MAP3K4: variants seen among roughly 807,000 people sequenced by gnomAD.
The protein encoded by MAP3K4 is mitogen-activated protein kinase kinase kinase 4.
Under a neutral mutation model 185.6 loss-of-function variants are expected in MAP3K4, and 67 were observed. The observed-to-expected ratio is 0.36, with a 90% CI of 0.30 to 0.44. The LOEUF is 0.44. Among genes scored for constraint, MAP3K4 ranks in the 20% least tolerant of loss-of-function variants. The pLI is 1.00. For missense variants in MAP3K4, 1,551 were observed against 1,995.1 expected (o/e 0.78, Z 4.24); for synonymous variants, 702 against 710.4 (o/e 0.99, Z 0.19).
At position 160,991,777 on chromosome 6, in the gene MAP3K4, G is replaced by C. The variant is rs541001091; in HGVS notation, c.-155G>C. On this transcript the variant is annotated 5_prime_UTR_variant, in exon 1 of 27. Coordinates refer to ENST00000392142, the MANE Select transcript of MAP3K4 (RefSeq NM_005922.4). This position sits in a 1 kb window ranked among gnomAD's most constrained non-coding sequence, Gnocchi z 5.7. ...CCCACCGTAGCCCCGGCGCTCGGCC[G>C]GTCGCCGTTTCCAAGATGGCCGCGG... 2.4e-6 allele frequency: 2 copies of C among 819,918 alleles called. No individual in the cohort carries two copies. The highest frequency in any genetic ancestry group is 4.3e-5 in the Admixed American group (1 of 23,256). 50.8% of individuals were successfully genotyped at this position (819,918 alleles called of 1,614,324 possible).
chr6:161,104,709 CA>C (rs10688556), intron 19 of MAP3K4, among the ~76,000 whole-genome samples: 241 of 121,572 alleles, frequency 2.0e-3, no homozygotes, highest in African/African-American at 5.8e-3. Flanking sequence ...GACTCCATCT[CA>C]AAAAAAAAAA....
At chr6:161,015,893 C>T (rs972325629) in intron 1 of MAP3K4, among the ~76,000 whole-genome samples, 5 of 152,126 alleles carry the variant, frequency 3.3e-5, no homozygotes, top group African/African-American at 9.7e-5. Flanking sequence ...GAGGTTTGGG[C>T]GCCAGATACC....
At position 161,071,228 on chromosome 6, in the gene MAP3K4, T is replaced by C. The variant is rs549894149; in HGVS notation, c.1950+378T>C. On this transcript the variant is annotated intron_variant, in intron 4 of 26. Coordinates refer to ENST00000392142, the MANE Select transcript of MAP3K4 (RefSeq NM_005922.4). This position sits in a 1 kb window ranked among gnomAD's most constrained non-coding sequence, Gnocchi z 4.6. Reference sequence around the variant, plus strand: ...GTCTAGAATAGGCATGGGGAGGGGTTTGGACTTTCTGCTTGCTTAAGCAGT... The same window carrying C: ...GTCTAGAATAGGCATGGGGAGGGGTCTGGACTTTCTGCTTGCTTAAGCAGT... 6.6e-6 allele frequency among the ~76,000 whole-genome samples: 1 copy of C among 152,218 alleles called. No individual in the cohort carries two copies. Among genetic ancestry groups the C allele is most frequent in the African/African-American group, 2.4e-5 (1 of 41,524 alleles).
rs1345369133 is a variant in MAP3K4, at chr6:161,043,365, A to G, written c.344-5251A>G. Reference sequence around the variant, plus strand: ...TTCCATTCTTCGAGGCCCCAAATCAAGTACTTGCTTTTACTTTAAGCCTTT... The same window carrying G: ...TTCCATTCTTCGAGGCCCCAAATCAGGTACTTGCTTTTACTTTAAGCCTTT... On this transcript the variant is annotated intron_variant, in intron 2 of 26. Transcript: ENST00000392142. This position sits in a 1 kb window ranked among gnomAD's most constrained non-coding sequence, Gnocchi z 4.3. 6.6e-6 allele frequency among the ~76,000 whole-genome samples: 1 copy of G among 152,170 alleles called. No individual in the cohort carries two copies.
Position 161,107,054 on chromosome 6 carries a change from A to G in MAP3K4, c.4048+349A>G, listed in dbSNP as rs1411373639. Among the ~76,000 whole-genome samples, 3 of 126,656 alleles carry G rather than the reference A, an allele frequency of 2.4e-5. No homozygotes were observed. Among genetic ancestry groups the G allele is most frequent in the Non-Finnish European group, 3.5e-5 (2 of 56,820 alleles). The allele number at this position is 126,656 out of a possible 152,430, so 83.1% of individuals were successfully genotyped here. ...TCTCTCTCTACACACGCGCGCGCAC[A>G]CACACACACACACACACACACACAC... is the stretch of plus-strand genomic sequence containing the variant. On this transcript the variant is annotated intron_variant, in intron 20 of 26. Coordinates refer to ENST00000392142, the MANE Select transcript of MAP3K4 (RefSeq NM_005922.4). The surrounding 1 kb of genome is among the most constrained non-coding windows in gnomAD (Gnocchi z 6.2).
chr6:161,109,611 A>T lies in MAP3K4; in HGVS notation c.4237-144A>T, dbSNP rs1223613974. 1 of 778,114 alleles carries T rather than the reference A, an allele frequency of 1.3e-6. No individual in the cohort carries two copies. Among genetic ancestry groups the T allele is most frequent in the Non-Finnish European group, 2.1e-6 (1 of 478,322 alleles). 48.2% of individuals were successfully genotyped at this position (778,114 alleles called of 1,614,324 possible). ...CTTAGAAACGACTGTTGTGAGACACATTCAGTGCTCAGGATGGCAAGTGTA... is the reference window on the plus strand; with the variant it reads ...CTTAGAAACGACTGTTGTGAGACACTTTCAGTGCTCAGGATGGCAAGTGTA... On this transcript the variant is annotated intron_variant, in intron 22 of 26. Coordinates refer to ENST00000392142, the MANE Select transcript of MAP3K4 (RefSeq NM_005922.4). The surrounding 1 kb of genome is among the most constrained non-coding windows in gnomAD (Gnocchi z 5.7).
At chr6:161,026,479 C>A (rs1265042334) in intron 1 of MAP3K4, among the ~76,000 whole-genome samples, 5 of 152,090 alleles carry the variant, frequency 3.3e-5, no homozygotes, top group Non-Finnish European at 7.4e-5. Flanking sequence ...TCTCACTATC[C>A]TATACACATA....
At chr6:161,090,459 G>T (rs1785974121) in intron 11 of MAP3K4, among the ~76,000 whole-genome samples, 1 of 145,002 alleles carries the variant, frequency 6.9e-6, no homozygotes, top group Non-Finnish European at 1.5e-5. Context: ...TAGAGCTAGG[G>T]CAGGGCTTCT....
At chr6:161,011,790 C>T (rs1781852821) in intron 1 of MAP3K4, among the ~76,000 whole-genome samples, 1 of 152,184 alleles carries the variant, frequency 6.6e-6, no homozygotes, top group Non-Finnish European at 1.5e-5. Flanking sequence ...TAAAGCTTAA[C>T]TGTACTGACT....
At chr6:161,016,822 G>A (rs1276439826) in intron 1 of MAP3K4, among the ~76,000 whole-genome samples, 1 of 152,110 alleles carries the variant, frequency 6.6e-6, no homozygotes, top group East Asian at 1.9e-4. Context: ...ATCTTTAAAC[G>A]CCTTGTATTC....
rs1290246540 is a variant in MAP3K4 at position 161,086,787 on chromosome 6, A to C, written c.2556+120A>C. The C allele has an allele frequency of 2.7e-5, 19 of 703,306 alleles. No individual in the cohort carries two copies. The Admixed American group carries it at 5.6e-4, about 21-fold the overall frequency. The allele number at this position is 703,306 out of a possible 1,614,324, so 43.6% of individuals were successfully genotyped here. On this transcript the variant is annotated intron_variant, in intron 9 of 26. Transcript: ENST00000392142. The surrounding 1 kb of genome is among the most constrained non-coding windows in gnomAD (Gnocchi z 4.8). ...TTACAGGCTCTGAAGGCTGTACCAC[A>C]ACCCCAGTTGTAAGACTGTCCTGTA...
chr6:161,098,376 C>T lies in MAP3K4; in HGVS notation c.3623C>T (p.Ser1208Phe), dbSNP rs750314778. The T allele has an allele frequency of 3.1e-6, 5 of 1,613,814 alleles. No individual in the cohort carries two copies. In the South Asian group the frequency reaches 4.4e-5, roughly 14 times the overall value. ...GTTGCTGCCAGTCGGCCCAGCCCCT[C>T]TGGTGGTGACTCTGTGCTGCCCAAA... ...AAVAASRPSPSGGDSVLPKSI... is the reference protein window; with the variant it reads ...AAVAASRPSPFGGDSVLPKSI... Residue 1208 changes from serine to phenylalanine, a missense_variant, in exon 17 of 27, where the codon TCT (serine) becomes TTT (phenylalanine). Around this residue, in one of 16 missense-constraint regions of MAP3K4, gnomAD observed 272 missense variants for 301.2 expected, o/e 0.90. Coordinates refer to ENST00000392142, the MANE Select transcript of MAP3K4 (RefSeq NM_005922.4). The surrounding 1 kb of genome is among the most constrained non-coding windows in gnomAD (Gnocchi z 4.4).
chr6:161,050,878 C>T (rs537042475), intron 3 of MAP3K4, among the ~76,000 whole-genome samples: 2 of 152,344 alleles, frequency 1.3e-5, no homozygotes, highest in East Asian at 1.9e-4. Context: ...TGTATACATA[C>T]ATATGTACAA....
Position 161,112,889 on chromosome 6 carries a change from C to A in MAP3K4, c.4626+115C>A. 1.8e-6 allele frequency: 1 copy of A among 561,638 alleles called. No homozygotes were observed. Among genetic ancestry groups the A allele is most frequent in the Non-Finnish European group, 2.9e-6 (1 of 348,216 alleles). 34.8% of individuals were successfully genotyped at this position (561,638 alleles called of 1,614,324 possible). A position where few individuals can be genotyped will look rare whatever the true frequency, so the allele number is the denominator to read the frequency against. On this transcript the variant is annotated intron_variant, in intron 25 of 26. Coordinates refer to ENST00000392142, the MANE Select transcript of MAP3K4 (RefSeq NM_005922.4). This position sits in a 1 kb window ranked among gnomAD's most constrained non-coding sequence, Gnocchi z 5.1. Reference sequence around the variant, plus strand: ...AACACTGTGGACACTAAATAGCGAACGATATTAGATACAAAAATCTGATCC... The same window carrying A: ...AACACTGTGGACACTAAATAGCGAAAGATATTAGATACAAAAATCTGATCC...
chr6:161,002,773 A>G, intron 1 of MAP3K4, among the ~76,000 whole-genome samples: 1 of 151,686 alleles, frequency 6.6e-6, no homozygotes, highest in Admixed American at 6.6e-5. Flanking sequence ...TTGTATTTTT[A>G]GTGGAGATGG....
At chr6:161,057,749 T>A (rs1784308844) in intron 3 of MAP3K4, among the ~76,000 whole-genome samples, 1 of 152,246 alleles carries the variant, frequency 6.6e-6, no homozygotes, top group Non-Finnish European at 1.5e-5. Context: ...TTATTACTTG[T>A]TTCAATCATT....
At chr6:161,059,866 T>TC (rs1784411319) in intron 3 of MAP3K4, among the ~76,000 whole-genome samples, 1 of 151,854 alleles carries the variant, frequency 6.6e-6, no homozygotes, top group Non-Finnish European at 1.5e-5. Flanking sequence ...CCCTGCCTTT[T>TC]TTTTTTTGCC....
At position 161,115,429 on chromosome 6, in the gene MAP3K4, T is replaced by C. The variant is rs1778550417; in HGVS notation, c.4806+127T>C. 4.6e-6 allele frequency: 4 copies of C among 877,648 alleles called. No individual in the cohort carries two copies. The Admixed American group carries it at 1.2e-4, about 26-fold the overall frequency. The allele number at this position is 877,648 out of a possible 1,614,324, so 54.4% of individuals were successfully genotyped here. A position where few individuals can be genotyped will look rare whatever the true frequency, so the allele number is the denominator to read the frequency against. On this transcript the variant is annotated intron_variant, in intron 26 of 26. Transcript: ENST00000392142. This position sits in a 1 kb window ranked among gnomAD's most constrained non-coding sequence, Gnocchi z 6.0. ...TGAAGTGGAAAGGAACTAAATGTAT[T>C]ATTATGCCAGGGATTTTTGTATGTG...
chr6:161,003,407 C>T (rs189772136), intron 1 of MAP3K4, among the ~76,000 whole-genome samples: 4 of 152,324 alleles, frequency 2.6e-5, no homozygotes, highest in East Asian at 3.9e-4. Context: ...TCATTCAGTC[C>T]TGTGTAATTC....
Sources: allele counts gnomAD v4.1 joint callset (sites outside exome capture counted in the v4.1 genomes callset), GRCh38; gene constraint gnomAD v4.1.1; regional missense constraint gnomAD v4.1.1; non-coding constraint Gnocchi (gnomAD v3.1); transcripts MANE v1.5; gene names NCBI Gene and HGNC (gene_info 2026-07-23, HGNC 2026-07-21).